The following KHDRBS3 variants were observed in gnomAD, a reference collection of about 807,000 sequenced individuals.
KHDRBS3 encodes KH RNA binding domain containing, signal transduction associated 3, also known as KH domain-containing, RNA-binding, signal transduction-associated protein 3.
In KHDRBS3, 23 loss-of-function variants were observed where a neutral mutation model predicts 45.6. The ratio of observed to expected loss-of-function variants is 0.50; its 90% CI spans 0.36 to 0.72. The LOEUF (loss-of-function observed/expected upper bound fraction) is 0.72. Ranked by LOEUF, KHDRBS3 falls within the 30% of genes least tolerant of loss-of-function variation. KHDRBS3 has a pLI of 0.00. For missense variants in KHDRBS3, 352 were observed against 424.8 expected (o/e 0.83, Z 1.51); for synonymous variants, 162 against 156.5 (o/e 1.04, Z -0.26).
intron 1 of KHDRBS3, among the ~76,000 whole-genome samples, chr8:135,515,361 G>A (rs1389101050): frequency 2.0e-4 from 9 of 43,978 alleles, no homozygotes; most frequent in African/African-American, 4.8e-4. Flanking sequence ...GCGAGACTCC[G>A]TCTTAAAAAA....
chr8:135,578,941 T>C (rs1173083457), intron 5 of KHDRBS3, among the ~76,000 whole-genome samples: 5 of 151,214 alleles, frequency 3.3e-5, no homozygotes, highest in African/African-American at 1.2e-4. Context: ...AAACATGCAA[T>C]TTTTTTTTGG....
intron 1 of KHDRBS3, among the ~76,000 whole-genome samples, chr8:135,469,801 A>G (rs1288719260): frequency 6.6e-6 from 1 of 152,176 alleles, no homozygotes; most frequent in African/African-American, 2.4e-5. Flanking sequence ...TGCTGGGATT[A>G]CAGGCGTGAG....
intron 5 of KHDRBS3, among the ~76,000 whole-genome samples, chr8:135,572,070 T>C (rs1827728245): frequency 6.6e-6 from 1 of 152,222 alleles, no homozygotes. Flanking sequence ...TAAACTTATC[T>C]ATTATCAAAT....
chr8:135,509,799 T>C (rs962559197), intron 1 of KHDRBS3, among the ~76,000 whole-genome samples: 1 of 152,200 alleles, frequency 6.6e-6, no homozygotes, highest in African/African-American at 2.4e-5. Flanking sequence ...ATTAGTTTTC[T>C]TAAGAATTGT....
chr8:135,484,332 C>T (rs1229600800), intron 1 of KHDRBS3, among the ~76,000 whole-genome samples: 1 of 152,210 alleles, frequency 6.6e-6, no homozygotes, highest in Non-Finnish European at 1.5e-5. Flanking sequence ...ACCTTCTTCC[C>T]TAAGAGTTAA....
intron 4 of KHDRBS3, among the ~76,000 whole-genome samples, chr8:135,553,612 CA>C (rs1826726123): frequency 6.6e-6 from 1 of 152,122 alleles, no homozygotes; most frequent in Non-Finnish European, 1.5e-5. Flanking sequence ...TAACCTTGGA[CA>C]TAACTATTGG....
At chr8:135,613,599 G>A (rs1829793073) in intron 7 of KHDRBS3, among the ~76,000 whole-genome samples, 1 of 151,560 alleles carries the variant, frequency 6.6e-6, no homozygotes, top group African/African-American at 2.4e-5. Context: ...AATTCCTTCT[G>A]CTTGTTGTTT....
intron 7 of KHDRBS3, among the ~76,000 whole-genome samples, chr8:135,637,230 C>T (rs1185229342): frequency 6.6e-6 from 1 of 152,198 alleles, no homozygotes; most frequent in East Asian, 1.9e-4. Context: ...TTCAAATCTT[C>T]AGTTATGTAT....
chr8:135,570,739 C>T (rs1184144265), intron 5 of KHDRBS3, among the ~76,000 whole-genome samples: 1 of 152,140 alleles, frequency 6.6e-6, no homozygotes, highest in Admixed American at 6.5e-5. Flanking sequence ...AGGCTTGTTA[C>T]CTGGCATGAG....
intron 1 of KHDRBS3, among the ~76,000 whole-genome samples, chr8:135,488,528 G>T (rs570111808): frequency 6.6e-6 from 1 of 152,280 alleles, no homozygotes; most frequent in African/African-American, 2.4e-5. Context: ...CTGGTGTTTG[G>T]ATTCAGCATC....
intron 5 of KHDRBS3, among the ~76,000 whole-genome samples, chr8:135,581,616 A>G (rs979088318): frequency 6.6e-6 from 1 of 152,134 alleles, no homozygotes; most frequent in Non-Finnish European, 1.5e-5. Context: ...GCTTCTCCAA[A>G]TATCACAGTT....
At chr8:135,574,831 A>G (rs942405331) in intron 5 of KHDRBS3, among the ~76,000 whole-genome samples, 2 of 152,228 alleles carry the variant, frequency 1.3e-5, no homozygotes, top group African/African-American at 4.8e-5. Context: ...AAGTTTAAAT[A>G]AACTGTTGAT....
rs1347585371 is a variant in KHDRBS3 at position 135,503,009 on chromosome 8, G to C, written c.89-18228G>C. On this transcript the variant is annotated intron_variant, in intron 1 of 8. Transcript: ENST00000355849. Reference sequence around the variant, plus strand: ...TCACTAGCCACGCATGTGGCCAGTGGCTGCTATATTTGACTGCACAGACAT... The same window carrying C: ...TCACTAGCCACGCATGTGGCCAGTGCCTGCTATATTTGACTGCACAGACAT... Among the ~76,000 whole-genome samples, 3 of 152,284 alleles carry C rather than the reference G, an allele frequency of 2.0e-5. No individual in the cohort carries two copies. The South Asian group carries it at 6.2e-4, about 32-fold the overall frequency.
intron 7 of KHDRBS3, among the ~76,000 whole-genome samples, chr8:135,630,016 G>C (rs1463186110): frequency 2.6e-5 from 4 of 152,254 alleles, no homozygotes; most frequent in Non-Finnish European, 4.4e-5. Flanking sequence ...TATGGTGGGA[G>C]TGAAGAGATG....
intron 1 of KHDRBS3, among the ~76,000 whole-genome samples, chr8:135,485,821 GGATT>G (rs1822824867): frequency 8.0e-6 from 1 of 124,708 alleles, no homozygotes; most frequent in African/African-American, 3.6e-5. Context: ...GAGGTATGCA[GGATT>G]GATTGGCATT....
At chr8:135,537,995 G>A (rs950915265) in intron 2 of KHDRBS3, among the ~76,000 whole-genome samples, 2 of 152,174 alleles carry the variant, frequency 1.3e-5, no homozygotes, top group African/African-American at 4.8e-5. Flanking sequence ...ATTGGCAATA[G>A]GGAGAGGGGA....
intron 1 of KHDRBS3, among the ~76,000 whole-genome samples, chr8:135,499,861 T>C (rs1823644752): frequency 1.3e-5 from 2 of 152,172 alleles, no homozygotes; most frequent in Admixed American, 1.3e-4. Context: ...TATCTGGTCA[T>C]TCCTGTGCTA....
At chr8:135,598,547 C>T (rs1267688096) in intron 6 of KHDRBS3, among the ~76,000 whole-genome samples, 6 of 152,072 alleles carry the variant, frequency 3.9e-5, no homozygotes, top group Non-Finnish European at 7.4e-5. Flanking sequence ...CCTCACAGCC[C>T]TAAAATAAAC....
intron 1 of KHDRBS3, among the ~76,000 whole-genome samples, chr8:135,482,551 A>G (rs1586583976): frequency 1.3e-5 from 2 of 152,104 alleles, no homozygotes; most frequent in South Asian, 2.1e-4. Flanking sequence ...TGCAGACCCA[A>G]ATGTACCTAC....
Sources: gnomAD v4.1 joint callset for allele counts (sites outside exome capture counted in the v4.1 genomes callset) on GRCh38, gnomAD v4.1.1 for gene constraint, MANE v1.5 for transcripts, NCBI Gene and HGNC (gene_info 2026-07-23, HGNC 2026-07-21) for gene names.